The following LRP1B variants were observed in gnomAD, a reference collection of about 807,000 sequenced individuals.
The protein encoded by LRP1B is low-density lipoprotein receptor-related protein 1B.
Under a neutral mutation model 556.6 loss-of-function variants are expected in LRP1B, and 217 were observed. The observed-to-expected ratio is 0.39, with a 90% CI of 0.35 to 0.44. The LOEUF (loss-of-function observed/expected upper bound fraction) is 0.44, where lower values mean the gene tolerates loss of function less well. Ranked by LOEUF, LRP1B falls within the 20% of genes least tolerant of loss-of-function variation. LRP1B has a pLI of 1.00. For synonymous variants in LRP1B, 2,047 were observed against 1,865.8 expected (o/e 1.10, Z -2.50); for missense variants, 5,053 against 5,620.8 (o/e 0.90, Z 3.23).
chr2:140,308,381 CA>C (rs1684154272), intron 83 of LRP1B, among the ~76,000 whole-genome samples: 1 of 151,734 alleles, frequency 6.6e-6, no homozygotes, highest in South Asian at 2.1e-4. Flanking sequence ...GGCTGATTGC[CA>C]AAAAGGAATG....
chr2:141,290,833 G>C (rs930928135), intron 3 of LRP1B, among the ~76,000 whole-genome samples: 3 of 152,036 alleles, frequency 2.0e-5, no homozygotes, highest in Admixed American at 6.5e-5. Context: ...TAATTTCTAA[G>C]TTCACATAAG....
At chr2:141,687,691 G>C (rs952563752) in intron 2 of LRP1B, among the ~76,000 whole-genome samples, 2 of 151,794 alleles carry the variant, frequency 1.3e-5, no homozygotes, top group African/African-American at 4.8e-5. Context: ...TTTTACCCTT[G>C]TGATTATGAT....
chr2:142,086,694 A>T (rs1030822824), intron 1 of LRP1B, among the ~76,000 whole-genome samples: 1 of 152,054 alleles, frequency 6.6e-6, no homozygotes, highest in Non-Finnish European at 1.5e-5. Context: ...AGAAGTGAAA[A>T]TACGAGGCTC....
chr2:141,304,973 C>T (rs115136260), intron 3 of LRP1B, among the ~76,000 whole-genome samples: 2,352 of 152,164 alleles, frequency 0.015, 56 homozygotes, highest in African/African-American at 0.053. Context: ...TGTTTTCGTA[C>T]CAATATTACG....
In LRP1B at chr2:140,266,833, TATAATA is replaced by T. The variant is rs1223366189; in HGVS notation, c.13247+3403_13247+3408del. On this transcript the variant is annotated intron_variant, in intron 86 of 90. Transcript: ENST00000389484. ...CAGAGCACTTTGGTTGTATTTCTAT[TATAATA>T]ATTAGCAAATGATATTTTAATTTTC... Among the ~76,000 whole-genome samples, 5 of 152,098 alleles carry T rather than the reference TATAATA, an allele frequency of 3.3e-5. No homozygotes were observed. In the East Asian group the frequency reaches 9.7e-4, roughly 29 times the overall value.
At chr2:141,975,990 T>G (rs1329288511) in intron 1 of LRP1B, among the ~76,000 whole-genome samples, 1 of 151,096 alleles carries the variant, frequency 6.6e-6, no homozygotes, top group Non-Finnish European at 1.5e-5. Context: ...TATGTTAAAT[T>G]TCAAAAATTC....
At chr2:140,429,052 C>T (rs961681148) in intron 66 of LRP1B, among the ~76,000 whole-genome samples, 1 of 152,070 alleles carries the variant, frequency 6.6e-6, no homozygotes, top group African/African-American at 2.4e-5. Context: ...ACCTCTACTC[C>T]CTCCTTGGCA....
chr2:140,476,721 C>G (rs963959777), intron 59 of LRP1B, among the ~76,000 whole-genome samples: 2 of 151,672 alleles, frequency 1.3e-5, no homozygotes, highest in African/African-American at 4.8e-5. Flanking sequence ...AAGTATGGTG[C>G]TTAAAAAAGA....
intron 2 of LRP1B, among the ~76,000 whole-genome samples, chr2:141,807,662 C>T (rs574981250): frequency 5.9e-5 from 9 of 152,088 alleles, no homozygotes; most frequent in Admixed American, 2.6e-4. Flanking sequence ...TTAACTGACA[C>T]GCAATTTCCA....
At chr2:141,641,157 A>G (rs1689315971) in intron 2 of LRP1B, among the ~76,000 whole-genome samples, 1 of 150,868 alleles carries the variant, frequency 6.6e-6, no homozygotes, top group Admixed American at 6.6e-5. Flanking sequence ...GTAATATTTA[A>G]AAGTCCACTT....
intron 1 of LRP1B, among the ~76,000 whole-genome samples, chr2:141,915,196 G>A (rs1011749050): frequency 2.6e-5 from 4 of 152,006 alleles, no homozygotes; most frequent in African/African-American, 4.8e-5. Context: ...ATAAAGCAGC[G>A]CACCTATAGC....
At chr2:141,057,613 G>A (rs1376634490) in intron 9 of LRP1B, among the ~76,000 whole-genome samples, 1 of 151,756 alleles carries the variant, frequency 6.6e-6, no homozygotes, top group Non-Finnish European at 1.5e-5. Flanking sequence ...TTTTAAAAAG[G>A]GGGGTTTTCC....
In LRP1B at chr2:140,973,052, T is replaced by TTATATATATATA. The variant is rs200336213; in HGVS notation, c.2887+9096_2887+9107dup. On this transcript the variant is annotated intron_variant, in intron 18 of 90. Transcript: ENST00000389484. ...ATGCTTTCATTAAATATATTTCATT[T>TTATATATATATA]TATATATATATATATATATATATAT... is the stretch of plus-strand genomic sequence containing the variant. Among the ~76,000 whole-genome samples, 1,333 of 138,408 alleles carry TTATATATATATA rather than the reference T, an allele frequency of 9.6e-3. 10 individuals carry two copies. Among genetic ancestry groups the TTATATATATATA allele is most frequent in the South Asian group, 0.013 (56 of 4,228 alleles). The allele number at this position is 138,408 out of a possible 152,430, so 90.8% of individuals were successfully genotyped here. A position where few individuals can be genotyped will look rare whatever the true frequency, so the allele number is the denominator to read the frequency against.
intron 41 of LRP1B, among the ~76,000 whole-genome samples, chr2:140,651,643 A>G (rs1014689342): frequency 1.3e-5 from 2 of 152,106 alleles, no homozygotes; most frequent in Non-Finnish European, 2.9e-5. Context: ...AGTTCAGTGT[A>G]TATTTCACAA....
At chr2:140,387,934 C>CT (rs536602296) in intron 66 of LRP1B, among the ~76,000 whole-genome samples, 28,221 of 138,346 alleles carry the variant, frequency 0.2, 2,966 homozygotes, top group East Asian at 0.33. Context: ...CTTGTACTTT[C>CT]TTTTTTTTTT....
At chr2:140,396,573 A>C (rs1684268738) in intron 66 of LRP1B, among the ~76,000 whole-genome samples, 1 of 152,294 alleles carries the variant, frequency 6.6e-6, no homozygotes, top group East Asian at 1.9e-4. Context: ...GCCTCAGTTT[A>C]CTCTACTAAA....
At chr2:141,587,166 C>A (rs559634111) in intron 2 of LRP1B, among the ~76,000 whole-genome samples, 1 of 151,994 alleles carries the variant, frequency 6.6e-6, no homozygotes, top group African/African-American at 2.4e-5. Flanking sequence ...AAAGAAAATA[C>A]CTGATTATTT....
In LRP1B at chr2:140,397,258, T is replaced by C. The variant is rs150991878; in HGVS notation, c.10415-11249A>G. ...TTGCACAGGTACACGTGTGCCATTG[T>C]GGTTTGCTGCACCTATCAACCCATC... is the stretch of plus-strand genomic sequence containing the variant. On this transcript the variant is annotated intron_variant, in intron 66 of 90. Coordinates refer to ENST00000389484, the MANE Select transcript of LRP1B (RefSeq NM_018557.3). Among the ~76,000 whole-genome samples the C allele has an allele frequency of 3.3e-3, 499 of 152,250 alleles. 3 individuals carry two copies. The highest frequency in any genetic ancestry group is 0.011 in the African/African-American group (464 of 41,534).
chr2:141,164,135 G>A (rs961528136), intron 7 of LRP1B, among the ~76,000 whole-genome samples: 1 of 151,886 alleles, frequency 6.6e-6, no homozygotes, highest in Admixed American at 6.6e-5. Context: ...AAGAAGCAGA[G>A]GTGGAAATGA....
Sources: gnomAD v4.1 joint callset for allele counts (sites outside exome capture counted in the v4.1 genomes callset) on GRCh38, gnomAD v4.1.1 for gene constraint, MANE v1.5 for transcripts, NCBI Gene and HGNC (gene_info 2026-07-23, HGNC 2026-07-21) for gene names.